GNAO1: variants seen among roughly 807,000 people sequenced by gnomAD.
The protein encoded by GNAO1 is G protein subunit alpha o1, also known as guanine nucleotide-binding protein G(o) subunit alpha.
For missense variants in GNAO1, 166 were observed against 478.7 expected (o/e 0.35, Z 6.10); for synonymous variants, 164 against 180.7 (o/e 0.91, Z 0.74).
intron 2 of GNAO1, among the ~76,000 whole-genome samples, chr16:56,207,125 A>G (rs564225575): frequency 6.6e-6 from 1 of 152,378 alleles, no homozygotes; most frequent in East Asian, 1.9e-4. Context: ...CACATATGTT[A>G]CCATGTTCCC....
At chr16:56,344,074 C>T in intron 6 of GNAO1, 10 of 1,487,368 alleles carry the variant, frequency 6.7e-6, no homozygotes, top group South Asian at 2.7e-5. Flanking sequence ...GAGGCTGGCA[C>T]CAAGGGAGGG....
chr16:56,316,511 G>T (rs1454180571), intron 3 of GNAO1, among the ~76,000 whole-genome samples: 1 of 152,210 alleles, frequency 6.6e-6, no homozygotes, highest in African/African-American at 2.4e-5. Context: ...GCTGATGGCT[G>T]CCAGAGCATC....
chr16:56,203,476 T>C (rs1266948582), intron 2 of GNAO1, among the ~76,000 whole-genome samples: 1 of 152,138 alleles, frequency 6.6e-6, no homozygotes, highest in African/African-American at 2.4e-5. Flanking sequence ...TCTGTGGCCA[T>C]GTTTCCACAT....
chr16:56,297,471 G>T (rs2037297885), intron 3 of GNAO1, among the ~76,000 whole-genome samples: 1 of 150,966 alleles, frequency 6.6e-6, no homozygotes, highest in African/African-American at 2.4e-5. Context: ...TGTGCGCACA[G>T]CCACCCACCC....
chr16:56,277,680 C>T (rs1185821108), intron 3 of GNAO1, among the ~76,000 whole-genome samples: 3 of 152,038 alleles, frequency 2.0e-5, no homozygotes, highest in African/African-American at 7.2e-5. Context: ...GCACAAGCCA[C>T]AGGCCTCTGG....
chr16:56,287,174 G>A (rs1204011089), intron 3 of GNAO1, among the ~76,000 whole-genome samples: 1 of 152,232 alleles, frequency 6.6e-6, no homozygotes, highest in Non-Finnish European at 1.5e-5. Context: ...GCAGCAGGGG[G>A]CCAGGGAAGA....
chr16:56,266,023 ACTT>A (rs1304340611), intron 2 of GNAO1, among the ~76,000 whole-genome samples: 1 of 152,066 alleles, frequency 6.6e-6, no homozygotes, highest in East Asian at 1.9e-4. Flanking sequence ...TGCAAGGCCC[ACTT>A]CTTATCACTG....
At chr16:56,223,873 C>T (rs1344269237) in intron 2 of GNAO1, among the ~76,000 whole-genome samples, 1 of 152,172 alleles carries the variant, frequency 6.6e-6, no homozygotes, top group Non-Finnish European at 1.5e-5. Flanking sequence ...TCTTTCATCC[C>T]CCACAGGGCT....
intron 2 of GNAO1, among the ~76,000 whole-genome samples, chr16:56,264,846 TATTA>T (rs1245976822): frequency 1.2e-4 from 18 of 149,702 alleles, no homozygotes; most frequent in East Asian, 1.9e-4. Context: ...AATTATATAG[TATTA>T]ATTAATAATT....
At chr16:56,268,411 C>A (rs574862372) in intron 2 of GNAO1, among the ~76,000 whole-genome samples, 1 of 152,214 alleles carries the variant, frequency 6.6e-6, no homozygotes, top group African/African-American at 2.4e-5. Flanking sequence ...GGCTTTAAGT[C>A]GGAAGAGACC....
chr16:56,194,875 G>A lies in GNAO1; in HGVS notation c.161+2259G>A, dbSNP rs115535688. Among the ~76,000 whole-genome samples the A allele has an allele frequency of 2.6e-3, 393 of 152,308 alleles. 2 individuals carry two copies. The highest frequency in any genetic ancestry group is 9.0e-3 in the African/African-American group (375 of 41,566). ...GAGAGCTGAGCTCTCTGAGGAAATA[G>A]GTGTGCCACTTTAGGATGAAAATTC... On this transcript the variant is annotated intron_variant, in intron 2 of 8. Transcript: ENST00000262493.
At chr16:56,348,077 C>T in intron 6 of GNAO1, 1 of 965,930 alleles carries the variant, frequency 1.0e-6, no homozygotes, top group Non-Finnish European at 1.2e-6. Context: ...CCCATATTAA[C>T]TGTAATTTTG....
chr16:56,208,436 TGTGTGTGTGTGTGC>T (rs1418553949), intron 2 of GNAO1, among the ~76,000 whole-genome samples: 2 of 102,304 alleles, frequency 2.0e-5, no homozygotes, highest in African/African-American at 7.8e-5. Flanking sequence ...TGTGTGTGTG[TGTGTGTGTGTGTGC>T]GCGCGCGCGC....
chr16:56,302,182 AGGTTCCCTG>A (rs1418232615), intron 3 of GNAO1: 1 of 152,230 alleles, frequency 6.6e-6, no homozygotes, highest in African/African-American at 2.4e-5. Context: ...AAGCAGACTA[AGGTTCCCTG>A]GGTTCTAGAA....
At chr16:56,324,152 A>C (rs550988159) in intron 3 of GNAO1, among the ~76,000 whole-genome samples, 1 of 152,318 alleles carries the variant, frequency 6.6e-6, no homozygotes, top group East Asian at 1.9e-4. Flanking sequence ...CAAACTGTAG[A>C]ATGCATCCTA....
chr16:56,342,907 G>C (rs1230156455), intron 6 of GNAO1, among the ~76,000 whole-genome samples: 3 of 151,640 alleles, frequency 2.0e-5, no homozygotes, highest in Non-Finnish European at 4.4e-5. Context: ...GAGGTCAGGA[G>C]TTCGAGAACA....
At chr16:56,310,134 C>T (rs2037440081) in intron 3 of GNAO1, among the ~76,000 whole-genome samples, 2 of 151,380 alleles carry the variant, frequency 1.3e-5, no homozygotes, top group Admixed American at 1.3e-4. Context: ...TAGTGAGACC[C>T]CATTTCTAAA....
chr16:56,347,285 G>C (rs3790112), intron 6 of GNAO1: 1 of 985,212 alleles, frequency 1.0e-6, no homozygotes, highest in East Asian at 1.1e-4. Flanking sequence ...CTCCAGCTCC[G>C]CGGCCACCAG....
intron 3 of GNAO1, among the ~76,000 whole-genome samples, chr16:56,322,651 T>C (rs1408941906): frequency 6.6e-6 from 1 of 151,966 alleles, no homozygotes; most frequent in African/African-American, 2.4e-5. Context: ...GGGCCTCAGG[T>C]GGCCAGGCCT....
Sources: allele counts gnomAD v4.1 joint callset (sites outside exome capture counted in the v4.1 genomes callset), GRCh38; gene constraint gnomAD v4.1.1; transcripts MANE v1.5; gene names NCBI Gene and HGNC (gene_info 2026-07-23, HGNC 2026-07-21).